The following ACSL4 variants were observed in gnomAD, a reference collection of about 807,000 sequenced individuals.
ACSL4 encodes the protein acyl-CoA synthetase long chain family member 4.
In ACSL4, 9 loss-of-function variants were observed where a neutral mutation model predicts 49.1. That is an observed-to-expected ratio of 0.18 (90% CI 0.11 to 0.32). ACSL4 has a LOEUF of 0.32. Ranked by LOEUF, ACSL4 falls within the 10% of genes least tolerant of loss-of-function variation. ACSL4 has a pLI of 1.00. For synonymous variants in ACSL4, 191 were observed against 170.3 expected, an observed-to-expected ratio of 1.12 and a Z score of -0.95; for missense variants, 333 against 493.7, an observed-to-expected ratio of 0.67 and a Z score of 3.08.
chrX:109,657,018 A>G (rs1921716338), intron 15 of ACSL4, among the ~76,000 whole-genome samples: 1 of 110,280 alleles, frequency 9.1e-6, no homozygotes, highest in African/African-American at 3.3e-5. Flanking sequence ...TCCATTCCTT[A>G]TATGCTGGTG....
At chrX:109,645,813 A>G (rs1471422515) in intron 15 of ACSL4, among the ~76,000 whole-genome samples, 1 of 112,306 alleles carries the variant, frequency 8.9e-6, no homozygotes, top group African/African-American at 3.2e-5. Flanking sequence ...TAACCAATAC[A>G]GAGAAGTGCT....
rs771396356 is a variant in ACSL4 at position 109,646,373 on chromosome X, T to A, written c.1856-2187A>T. On this transcript the variant is annotated intron_variant, in intron 15 of 15. Coordinates refer to ENST00000672401, the MANE Select transcript of ACSL4 (RefSeq NM_001318510.2). ...GAGAGTGGGGGCCAATATACAACAT[T>A]CTTAAAGAAAAGAATTTTCAACCCA... 1.7e-4 allele frequency among the ~76,000 whole-genome samples: 19 copies of A among 111,526 alleles called. No homozygotes were observed. In the Admixed American group the frequency reaches 1.7e-3, roughly 10 times the overall value.
intron 13 of ACSL4, 142 bp from the exon 14 acceptor site, chrX:109,661,787 G>A (rs1922201636): frequency 2.0e-6 from 1 of 493,150 alleles, no homozygotes. Flanking sequence ...AAAAGTAATT[G>A]TGGTTTTTGC....
At chrX:109,656,523 T>A (rs1179191781) in intron 15 of ACSL4, among the ~76,000 whole-genome samples, 1 of 110,300 alleles carries the variant, frequency 9.1e-6, no homozygotes, top group Non-Finnish European at 1.9e-5. Flanking sequence ...TCCATAAAAG[T>A]CCATAACATC....
At chrX:109,658,435 C>A (rs190169185) in intron 15 of ACSL4, among the ~76,000 whole-genome samples, 2 of 111,368 alleles carry the variant, frequency 1.8e-5, no homozygotes, top group African/African-American at 6.6e-5. Flanking sequence ...AAAATGCAAA[C>A]CTGACCACAT....
Position 109,682,890 on chromosome X carries a change from G to T in ACSL4, c.235C>A (p.Leu79Ile). ...TAGTTCATCCATTTATAATTCCCAA[G>T]AATTAACTGTTAAAGTGATACATTC... is the stretch of plus-strand genomic sequence containing the variant. ...PNGKVFKKLI[L>I]GNYKWMNYLE... The change falls in exon 4 of 16, where the codon CTT becomes ATT. Residue 79 changes from leucine (L) to isoleucine (I), a missense_variant. Physicochemically the swap from Leu to Ile is conservative, Grantham distance 5. Transcript: ENST00000672401. The T allele has an allele frequency of 8.3e-7, 1 of 1,205,763 alleles. No individual in the cohort carries two copies. The highest frequency in any genetic ancestry group is 1.1e-6 in the Non-Finnish European group (1 of 890,298).
intron 15 of ACSL4, among the ~76,000 whole-genome samples, chrX:109,648,377 A>G (rs1343597367): frequency 7.1e-5 from 8 of 112,119 alleles, no homozygotes; most frequent in Non-Finnish European, 7.5e-5. Context: ...AATATACGCA[A>G]ATCAATAAAT....
chrX:109,651,713 T>C (rs181076946), intron 15 of ACSL4, among the ~76,000 whole-genome samples: 1 of 112,020 alleles, frequency 8.9e-6, no homozygotes, highest in Admixed American at 9.5e-5. Flanking sequence ...TTTTCTTACA[T>C]ACATAGGTCC....
rs1485927672 is a variant in ACSL4 at position 109,644,203 on chromosome X, AAG to A, written c.1856-19_1856-18del. On this transcript the variant is annotated intron_variant, in intron 15 of 15. Coordinates refer to ENST00000672401, the MANE Select transcript of ACSL4 (RefSeq NM_001318510.2). The stretch of plus-strand genomic sequence containing the variant: ...CCAATTTCACTGAAATTAGAAGTGA[AAG>A]ATGGGAGAAAAGGAGAGGGGGGGAA... 1.7e-6 allele frequency: 2 copies of A among 1,198,123 alleles called. No homozygotes were observed. Among genetic ancestry groups the A allele is most frequent in the East Asian group, 5.9e-5 (2 of 33,629 alleles).
intron 2 of ACSL4, among the ~76,000 whole-genome samples, chrX:109,692,591 C>T (rs1925121154): frequency 9.0e-6 from 1 of 111,696 alleles, no homozygotes; most frequent in African/African-American, 3.3e-5. Flanking sequence ...TGGTTCATTG[C>T]TGTAGAAGGG....
intron 1 of ACSL4, among the ~76,000 whole-genome samples, chrX:109,711,192 T>A (rs1413592235): frequency 1.8e-5 from 2 of 112,771 alleles, no homozygotes; most frequent in Admixed American, 1.9e-4. Context: ...CAGAGTTGCA[T>A]ATCAAATGAA....
intron 8 of ACSL4, among the ~76,000 whole-genome samples, chrX:109,674,853 T>C (rs1247340783): frequency 8.9e-6 from 1 of 112,412 alleles, no homozygotes; most frequent in East Asian, 2.8e-4. Context: ...TTTAACTTTC[T>C]TTGATTAACA....
At chrX:109,647,267 T>G (rs1447755639) in intron 15 of ACSL4, among the ~76,000 whole-genome samples, 1 of 111,322 alleles carries the variant, frequency 9.0e-6, no homozygotes, top group South Asian at 3.8e-4. Context: ...GACCACAAAC[T>G]TGGAAGTAAA....
chrX:109,707,624 G>A (rs1413727605), intron 1 of ACSL4, among the ~76,000 whole-genome samples: 2 of 109,446 alleles, frequency 1.8e-5, no homozygotes, highest in Non-Finnish European at 3.8e-5. Context: ...TGGGAGTTGC[G>A]GACCCCTATC....
chrX:109,671,314 G>A (rs1329931819), intron 9 of ACSL4, among the ~76,000 whole-genome samples: 6 of 110,715 alleles, frequency 5.4e-5, no homozygotes, highest in South Asian at 7.7e-4. Flanking sequence ...CTGCCCCGCC[G>A]CCGCCCCGTC....
chrX:109,727,004 G>A (rs1042005255), intron 1 of ACSL4, among the ~76,000 whole-genome samples: 17 of 110,964 alleles, frequency 1.5e-4, no homozygotes, highest in Non-Finnish European at 2.6e-4. Flanking sequence ...GGCGTGAGCT[G>A]CAGTGCCCGG....
chrX:109,706,053 T>C (rs1251630428), intron 1 of ACSL4, among the ~76,000 whole-genome samples: 1 of 112,727 alleles, frequency 8.9e-6, no homozygotes, highest in Non-Finnish European at 1.9e-5. Flanking sequence ...GGGTATATAC[T>C]AGCTTAAAAT....
intron 11 of ACSL4, among the ~76,000 whole-genome samples, chrX:109,667,115 T>A (rs1922716581): frequency 8.9e-6 from 1 of 112,425 alleles, no homozygotes; most frequent in Admixed American, 9.4e-5. Flanking sequence ...AACAAATAAT[T>A]TGTCAATAGA....
chrX:109,666,981 T>C (rs1922704115), intron 11 of ACSL4, among the ~76,000 whole-genome samples: 1 of 111,489 alleles, frequency 9.0e-6, no homozygotes, highest in Non-Finnish European at 1.9e-5. Flanking sequence ...AGAGGTGATA[T>C]GGAGGGAAAG....
Sources: gnomAD v4.1 joint callset for allele counts (sites outside exome capture counted in the v4.1 genomes callset) on GRCh38, gnomAD v4.1.1 for gene constraint, MANE v1.5 for transcripts, NCBI Gene and HGNC (gene_info 2026-07-23, HGNC 2026-07-21) for gene names.